The following GLOD4 variants were observed in gnomAD, a reference collection of about 807,000 sequenced individuals.
The protein encoded by GLOD4 is glyoxalase domain containing 4.
Under a neutral mutation model 39.1 loss-of-function variants are expected in GLOD4, and 44 were observed. That is an observed-to-expected ratio of 1.13 (90% CI 0.88 to 1.45). GLOD4 has a LOEUF of 1.45. GLOD4 is among the 40% of genes most tolerant of loss of function. The pLI is 0.00. For missense variants in GLOD4, 405 were observed against 366.4 expected (o/e 1.11, Z -0.86); for synonymous variants, 145 against 135.0 (o/e 1.07, Z -0.52).
chr17:762,100 A>C (rs1408800974), intron 8 of GLOD4, among the ~76,000 whole-genome samples: 1 of 152,236 alleles, frequency 6.6e-6, no homozygotes, highest in East Asian at 1.9e-4. Context: ...ACAGACCGTA[A>C]GTTGACAATG....
chr17:772,659 A>G (rs1474625441), intron 4 of GLOD4, among the ~76,000 whole-genome samples: 1 of 152,216 alleles, frequency 6.6e-6, no homozygotes, highest in Non-Finnish European at 1.5e-5. Flanking sequence ...GCACAAAGCA[A>G]TAATCCACAA....
At chr17:773,653 C>T (rs1445851298) in intron 4 of GLOD4, among the ~76,000 whole-genome samples, 3 of 152,200 alleles carry the variant, frequency 2.0e-5, no homozygotes, top group African/African-American at 4.8e-5. Context: ...AGCTGTTCCA[C>T]GTCTCCATCT....
chr17:776,019 A>T, intron 3 of GLOD4, 100 bp from the exon 4 acceptor site: 3 of 869,078 alleles, frequency 3.5e-6, no homozygotes, highest in Non-Finnish European at 5.4e-6. Flanking sequence ...CTTTAGGTAA[A>T]ATCACCTAAG....
chr17:767,460 A>ACG (rs1906790221), intron 8 of GLOD4, among the ~76,000 whole-genome samples: 1 of 152,206 alleles, frequency 6.6e-6, no homozygotes, highest in African/African-American at 2.4e-5. Flanking sequence ...GAAACAGTGC[A>ACG]CACTCAGATT....
rs886772898 is a variant in GLOD4, at chr17:760,065, T to C, written c.*108A>G. On this transcript the variant is annotated 3_prime_UTR_variant, in exon 9 of 9. Coordinates refer to ENST00000301329, the MANE Select transcript of GLOD4 (RefSeq NM_016080.4). Reference sequence around the variant, plus strand: ...CAAATCTGCACTACCCAAGCCTCCTTGCCTGTACGGGAAACAAATCAGAAG... The same window carrying C: ...CAAATCTGCACTACCCAAGCCTCCTCGCCTGTACGGGAAACAAATCAGAAG... 1 of 739,900 alleles carries C rather than the reference T, an allele frequency of 1.4e-6. No individual in the cohort carries two copies. Among genetic ancestry groups the C allele is most frequent in the African/African-American group, 1.7e-5 (1 of 57,472 alleles). 45.8% of individuals were successfully genotyped at this position (739,900 alleles called of 1,614,324 possible). A position where few individuals can be genotyped will look rare whatever the true frequency, so the allele number is the denominator to read the frequency against.
intron 8 of GLOD4, among the ~76,000 whole-genome samples, chr17:768,365 A>C (rs955757021): frequency 6.9e-5 from 10 of 144,420 alleles, no homozygotes; most frequent in African/African-American, 2.6e-4. Context: ...TCAGATTTTT[A>C]GAAGAAGAAA....
chr17:775,981 A>G, intron 3 of GLOD4, 62 bp from the exon 4 acceptor site: 1 of 1,403,540 alleles, frequency 7.1e-7, no homozygotes. Context: ...AGAACAAGAC[A>G]ATGAGCCCAA....
At chr17:765,228 G>A (rs1162472648) in intron 8 of GLOD4, 1 of 150,826 alleles carries the variant, frequency 6.6e-6, no homozygotes, top group Non-Finnish European at 1.5e-5. Flanking sequence ...TGTATTCTGA[G>A]TAGTGGTTGT....
intron 4 of GLOD4, among the ~76,000 whole-genome samples, chr17:774,859 A>T (rs1215964217): frequency 6.6e-6 from 1 of 152,052 alleles, no homozygotes; most frequent in Non-Finnish European, 1.5e-5. Context: ...AAGTGAGGTC[A>T]GAAGTTCAAG....
rs757607791 is a variant in GLOD4 at position 775,819 on chromosome 17, C to T, written c.362G>A (p.Gly121Glu). The T allele has an allele frequency of 6.8e-6, 11 of 1,613,924 alleles. No individual in the cohort carries two copies. Among genetic ancestry groups the T allele is most frequent in the Non-Finnish European group, 8.5e-6 (10 of 1,179,918 alleles). Residue 121 changes from glycine (G) to glutamate (E), a missense_variant, in exon 4 of 9, where the codon GGA (glycine) becomes GAA (glutamate). Coordinates refer to ENST00000301329, the MANE Select transcript of GLOD4 (RefSeq NM_016080.4). ...AEGVFETEAP[G>E]GYKFYLQNRS... is the part of the protein sequence containing the mutation. ...ATTCTGCAAATAGAACTTATATCCT[C>T]CCGGGGCCTCGGTTTCAAAAACACC...
rs34487169 is a variant in GLOD4, at chr17:779,319, T to TA, written c.91-576dup. On this transcript the variant is annotated intron_variant, in intron 1 of 8. Coordinates refer to ENST00000301329, the MANE Select transcript of GLOD4 (RefSeq NM_016080.4). Reference sequence around the variant, plus strand: ...ACAAGAGCAAAATTCCATCTCAAATTAAAAAAAAAAAAAAAAAAAAAAAAA... The same window carrying TA: ...ACAAGAGCAAAATTCCATCTCAAATTAAAAAAAAAAAAAAAAAAAAAAAAAA... Among the ~76,000 whole-genome samples the TA allele has an allele frequency of 7.4e-4, 32 of 43,368 alleles. 1 individual carries two copies. Among genetic ancestry groups the TA allele is most frequent in the African/African-American group, 1.2e-3 (12 of 10,156 alleles). 28.5% of individuals were successfully genotyped at this position (43,368 alleles called of 152,430 possible). A position where few individuals can be genotyped will look rare whatever the true frequency, so the allele number is the denominator to read the frequency against.
intron 8 of GLOD4, among the ~76,000 whole-genome samples, chr17:767,563 GAA>G (rs1906834505): frequency 6.7e-6 from 1 of 150,046 alleles, no homozygotes; most frequent in South Asian, 2.1e-4. Flanking sequence ...GTAAGAGAGA[GAA>G]ACAGCGCACA....
At chr17:783,209 C>T, upstream of GLOD4, 4 of 1,614,148 alleles carry the variant, frequency 2.5e-6, no homozygotes, top group Non-Finnish European at 3.4e-6. Context: ...TCTTCTTTAG[C>T]CGTCTAGAAT....
chr17:778,669 A>G (rs1442824322), intron 2 of GLOD4, 26 bp downstream of exon 2: 2 of 1,351,234 alleles, frequency 1.5e-6, no homozygotes, highest in Admixed American at 3.4e-5. Context: ...AGCCTAAAGG[A>G]GATTTTAAGA....
At position 770,407 on chromosome 17, in the gene GLOD4, G is replaced by A; in HGVS notation, c.630+14C>T. ...CTAGTCAGAAAGCTCAAACGATCTG[G>A]TATCAAGCGTTACCTCTTTCTGGGG... On this transcript the variant is annotated intron_variant, in intron 6 of 8. Coordinates refer to ENST00000301329, the MANE Select transcript of GLOD4 (RefSeq NM_016080.4). The A allele has an allele frequency of 7.6e-7, 1 of 1,323,312 alleles. No individual in the cohort carries two copies. Among genetic ancestry groups the A allele is most frequent in the Non-Finnish European group, 1.1e-6 (1 of 913,884 alleles). 82.0% of individuals were successfully genotyped at this position (1,323,312 alleles called of 1,614,324 possible).
Position 778,340 on chromosome 17 carries a change from G to A in GLOD4, c.140+355C>T, listed in dbSNP as rs1875024162. ...ACTGAGCCCTTAACTTGCAGGATCTGACATTAACTCCAGGTAGAGTCAGAA... is the reference window on the plus strand; with the variant it reads ...ACTGAGCCCTTAACTTGCAGGATCTAACATTAACTCCAGGTAGAGTCAGAA... On this transcript the variant is annotated intron_variant, in intron 2 of 8. Transcript: ENST00000301329. 1.8e-5 allele frequency: 7 copies of A among 393,452 alleles called. No individual in the cohort carries two copies. In the South Asian group the frequency reaches 5.8e-4, roughly 32 times the overall value. 24.4% of individuals were successfully genotyped at this position (393,452 alleles called of 1,614,324 possible).
Position 761,055 on chromosome 17 carries a change from G to A in GLOD4, c.832-817C>T, listed in dbSNP as rs146611165. Among the ~76,000 whole-genome samples the A allele has an allele frequency of 3.1e-3, 468 of 152,320 alleles. 1 individual carries two copies. Among genetic ancestry groups the A allele is most frequent in the African/African-American group, 0.011 (446 of 41,570 alleles). On this transcript the variant is annotated intron_variant, in intron 8 of 8. Transcript: ENST00000301329. ...CATTTATGTAGTCAAAAAGAGCCAG[G>A]TACCACGCTGGGTTCAGATGTGGCA...
At chr17:766,459 G>T (rs1345418845) in intron 8 of GLOD4, among the ~76,000 whole-genome samples, 1 of 152,106 alleles carries the variant, frequency 6.6e-6, no homozygotes, top group African/African-American at 2.4e-5. Flanking sequence ...AGCCAGGCGT[G>T]GTGGCACGTG....
Position 776,887 on chromosome 17 carries a change from T to G in GLOD4, c.242A>C (p.Lys81Thr). Residue 81 changes from lysine to threonine, a missense_variant, in exon 3 of 9, where the codon AAG becomes ACG. By Grantham distance (78) the Lys-to-Thr change is moderately conservative. Transcript: ENST00000301329. ...ATTTACCATAAAGTCATTGCCAAGC[T>G]TGTAGTCTCCGACGCCATAATTGTA... ...LTYNYGVGDY[K>T]LGNDFMGITL... 6.2e-7 allele frequency: 1 copy of G among 1,613,440 alleles called. No homozygotes were observed. Among genetic ancestry groups the G allele is most frequent in the Non-Finnish European group, 8.5e-7 (1 of 1,179,346 alleles).
Sources: allele counts gnomAD v4.1 joint callset (sites outside exome capture counted in the v4.1 genomes callset), GRCh38; gene constraint gnomAD v4.1.1; transcripts MANE v1.5; gene names NCBI Gene and HGNC (gene_info 2026-07-23, HGNC 2026-07-21).